The following CREB5 variants were observed in gnomAD, a reference collection of about 807,000 sequenced individuals.
CREB5 encodes the protein cyclic AMP-responsive element-binding protein 5.
Under a neutral mutation model 57.1 loss-of-function variants are expected in CREB5, and 19 were observed. The observed-to-expected ratio is 0.33, with a 90% CI of 0.23 to 0.49. The LOEUF (loss-of-function observed/expected upper bound fraction) is 0.49. CREB5 is among the 20% of genes least tolerant of loss of function. CREB5 has a pLI of 0.99. For synonymous variants in CREB5, 238 were observed against 238.3 expected (o/e 1.00, Z 0.01); for missense variants, 579 against 671.6 (o/e 0.86, Z 1.52).
At chr7:28,642,934 C>T (rs1001946660) in intron 5 of CREB5, among the ~76,000 whole-genome samples, 27 of 128,472 alleles carry the variant, frequency 2.1e-4, no homozygotes, top group South Asian at 2.7e-4. Context: ...ACAAACAGAC[C>T]GAAAGGAGGG....
rs556733342 is a variant in CREB5 at position 28,387,546 on chromosome 7, T to C, written c.-25+88105T>C. On this transcript the variant is annotated intron_variant, in intron 1 of 9. Coordinates refer to the CREB5 transcript ENST00000396299. ...GTAGGTTGTCTGTTCGTTCTGATGA[T>C]AGTTTCTTTTGCTGTGCAGAAGCTC... Among the ~76,000 whole-genome samples the C allele has an allele frequency of 3.9e-5, 6 of 152,272 alleles. 1 individual carries two copies. In the South Asian group the frequency reaches 1.2e-3, roughly 32 times the overall value.
At chr7:28,457,132 C>T (rs552468020) in intron 1 of CREB5, among the ~76,000 whole-genome samples, 3 of 152,266 alleles carry the variant, frequency 2.0e-5, no homozygotes, top group Admixed American at 6.5e-5. Flanking sequence ...CCCACTCCCA[C>T]GACCACTAAC....
In CREB5 at chr7:28,575,528, G is replaced by A. The variant is rs111936655; in HGVS notation, c.464+4991G>A. 8.2e-3 allele frequency among the ~76,000 whole-genome samples: 1,245 copies of A among 152,268 alleles called. 17 individuals are homozygous for A. The highest frequency in any genetic ancestry group is 0.029 in the African/African-American group (1,192 of 41,548). On this transcript the variant is annotated intron_variant, in intron 5 of 10. Coordinates refer to ENST00000357727, the MANE Select transcript of CREB5 (RefSeq NM_182898.4). ...CAAAGTGAGCATGAGTAAGACTGTC[G>A]CTATCTACCACAGGCTAATGCTGGG...
intron 7 of CREB5, among the ~76,000 whole-genome samples, chr7:28,792,194 C>T (rs1294338622): frequency 6.6e-6 from 1 of 152,078 alleles, no homozygotes; most frequent in African/African-American, 2.4e-5. Flanking sequence ...ATCCCAGCTA[C>T]TTGGGAGGCT....
chr7:28,772,837 G>A (rs772676361), intron 7 of CREB5, among the ~76,000 whole-genome samples: 7 of 152,046 alleles, frequency 4.6e-5, no homozygotes, highest in Non-Finnish European at 7.4e-5. Context: ...CTGCATTTTG[G>A]GGCGGGCAGA....
chr7:28,532,474 C>A (rs1793771360), intron 4 of CREB5, among the ~76,000 whole-genome samples: 1 of 152,198 alleles, frequency 6.6e-6, no homozygotes, highest in Admixed American at 6.5e-5. Context: ...CAGCTCCTGG[C>A]ACCCCAACCC....
intron 5 of CREB5, among the ~76,000 whole-genome samples, chr7:28,591,903 T>A (rs1796535295): frequency 6.6e-6 from 1 of 152,186 alleles, no homozygotes; most frequent in African/African-American, 2.4e-5. Context: ...GAACAGCAAG[T>A]GAAGAAGCCC....
Position 28,355,775 on chromosome 7 carries a change from T to C in CREB5, c.-25+56334T>C, listed in dbSNP as rs553319370. On this transcript the variant is annotated intron_variant, in intron 1 of 9. Transcript: ENST00000396299. ...CCGCATTTTTATGACACGCAGCTAT[T>C]GAAAAGTACAGGAATAATTAACTGG... Among the ~76,000 whole-genome samples, 5 of 152,322 alleles carry C rather than the reference T, an allele frequency of 3.3e-5. No individual in the cohort carries two copies. In the South Asian group the frequency reaches 8.3e-4, roughly 25 times the overall value.
intron 1 of CREB5, among the ~76,000 whole-genome samples, chr7:28,387,020 T>C (rs768484674): frequency 6.6e-6 from 1 of 152,208 alleles, no homozygotes; most frequent in Non-Finnish European, 1.5e-5. Flanking sequence ...CTATTGTGAA[T>C]AGTGCTGCAG....
intron 5 of CREB5, among the ~76,000 whole-genome samples, chr7:28,695,152 G>A (rs948911498): frequency 5.3e-5 from 8 of 152,116 alleles, no homozygotes; most frequent in Non-Finnish European, 7.4e-5. Flanking sequence ...ACTTGAGCCC[G>A]GTAGTTCCAG....
At chr7:28,703,462 AAG>A (rs1801962893) in intron 5 of CREB5, among the ~76,000 whole-genome samples, 1 of 152,272 alleles carries the variant, frequency 6.6e-6, no homozygotes, top group South Asian at 2.1e-4. Context: ...ACAGACCAAA[AAG>A]AGAGAGAGAT....
At chr7:28,396,806 G>T (rs1459399630) in intron 1 of CREB5, among the ~76,000 whole-genome samples, 1 of 152,244 alleles carries the variant, frequency 6.6e-6, no homozygotes, top group South Asian at 2.1e-4. Context: ...AAAGCCATAA[G>T]TTCTGAATTC....
chr7:28,458,613 G>C (rs1790217025), intron 1 of CREB5, among the ~76,000 whole-genome samples: 1 of 152,200 alleles, frequency 6.6e-6, no homozygotes, highest in African/African-American at 2.4e-5. Flanking sequence ...ATGCCATGTA[G>C]TTTGTTGAAA....
intron 1 of CREB5, among the ~76,000 whole-genome samples, chr7:28,300,917 C>T (rs1207018604): frequency 2.6e-5 from 4 of 152,166 alleles, no homozygotes; most frequent in Non-Finnish European, 4.4e-5. Context: ...TTCTCAGGCC[C>T]TGGTCCAGAC....
At chr7:28,382,060 C>A (rs754956030) in intron 1 of CREB5, among the ~76,000 whole-genome samples, 1 of 152,132 alleles carries the variant, frequency 6.6e-6, no homozygotes, top group Non-Finnish European at 1.5e-5. Context: ...CAGTTCAAGG[C>A]GGAAGGCCCG....
At position 28,804,313 on chromosome 7, in the gene CREB5, C is replaced by T. The variant is rs1176609671; in HGVS notation, c.817C>T (p.His273Tyr). ...CCGGCAGGACCAGACGCCACACCAT[C>T]ACATGCACTCGCACCCGCATCAGCA... ...GSRQDQTPHH[H>Y]MHSHPHQHQT... Residue 273 changes from histidine to tyrosine, a missense_variant, in exon 8 of 11, where the codon CAC becomes TAC. Physicochemically the swap from His to Tyr is moderately conservative, Grantham distance 83 (BLOSUM62 2). This residue lies in a region of CREB5 where 459 missense variants were observed against 515.7 expected (regional missense o/e 0.89). Coordinates refer to ENST00000357727, the MANE Select transcript of CREB5 (RefSeq NM_182898.4). The T allele has an allele frequency of 1.2e-6, 2 of 1,614,002 alleles. No homozygotes were observed. The highest frequency in any genetic ancestry group is 1.7e-6 in the Non-Finnish European group (2 of 1,179,952).
intron 1 of CREB5, among the ~76,000 whole-genome samples, chr7:28,396,462 T>C (rs1370808165): frequency 1.3e-5 from 2 of 152,192 alleles, no homozygotes; most frequent in Non-Finnish European, 2.9e-5. Flanking sequence ...TTCTATAATA[T>C]ATACTAATCT....
intron 1 of CREB5, among the ~76,000 whole-genome samples, chr7:28,401,735 C>T (rs1227048976): frequency 6.6e-6 from 1 of 152,214 alleles, no homozygotes; most frequent in Non-Finnish European, 1.5e-5. Flanking sequence ...CTACAAAGGA[C>T]ATGAACTCAT....
At chr7:28,533,771 A>G (rs1793837971) in intron 4 of CREB5, among the ~76,000 whole-genome samples, 1 of 152,128 alleles carries the variant, frequency 6.6e-6, no homozygotes, top group Non-Finnish European at 1.5e-5. Flanking sequence ...ACCAAACCTG[A>G]ATATATTGTG....
Sources: gnomAD v4.1 joint callset for allele counts (sites outside exome capture counted in the v4.1 genomes callset) on GRCh38, gnomAD v4.1.1 for gene constraint, gnomAD v4.1.1 regional missense constraint, MANE v1.5 for transcripts, NCBI Gene and HGNC (gene_info 2026-07-23, HGNC 2026-07-21) for gene names.